Variants in PPP1R14C observed in about 807,000 individuals in gnomAD.
The protein encoded by PPP1R14C is protein phosphatase 1 regulatory inhibitor subunit 14C, also known as protein phosphatase 1 regulatory subunit 14C.
Under a neutral mutation model 20.4 loss-of-function variants are expected in PPP1R14C, and 16 were observed. The observed-to-expected ratio is 0.78, with a 90% CI of 0.53 to 1.19. The LOEUF (loss-of-function observed/expected upper bound fraction) is 1.19. Among genes scored for constraint, PPP1R14C ranks in the 50% most tolerant of loss-of-function variants. PPP1R14C has a pLI of 0.00. For synonymous variants in PPP1R14C, 91 were observed against 91.0 expected, an observed-to-expected ratio of 1.00 and a Z score of 0.00; for missense variants, 211 against 220.1, an observed-to-expected ratio of 0.96 and a Z score of 0.26.
In PPP1R14C at chr6:150,203,326, A is replaced by G. The variant is rs539400492; in HGVS notation, c.307-11418A>G. Among the ~76,000 whole-genome samples, 15 of 152,202 alleles carry G rather than the reference A, an allele frequency of 9.9e-5. 1 individual carries two copies. The highest frequency in any genetic ancestry group is 6.2e-4 in the South Asian group (3 of 4,804). ...GGAATCATGCGTATGGCAACTTTCCATTTTGGCTTCATTCACTTATGGATC... is the reference window on the plus strand; with the variant it reads ...GGAATCATGCGTATGGCAACTTTCCGTTTTGGCTTCATTCACTTATGGATC... On this transcript the variant is annotated intron_variant, in intron 1 of 3. Transcript: ENST00000361131.
At chr6:150,213,019 T>C (rs183581178) in intron 1 of PPP1R14C, among the ~76,000 whole-genome samples, 1 of 152,354 alleles carries the variant, frequency 6.6e-6, no homozygotes, top group East Asian at 1.9e-4. Context: ...CATCTGCTTC[T>C]ATTAATAGCT....
At chr6:150,241,704 T>C (rs1042155739) in intron 3 of PPP1R14C, among the ~76,000 whole-genome samples, 3 of 152,144 alleles carry the variant, frequency 2.0e-5, no homozygotes, top group Non-Finnish European at 2.9e-5. Flanking sequence ...CTAGCCAACA[T>C]GGCGAAACCC....
chr6:150,231,536 C>G (rs982081224), intron 3 of PPP1R14C, among the ~76,000 whole-genome samples: 1 of 152,218 alleles, frequency 6.6e-6, no homozygotes, highest in African/African-American at 2.4e-5. Context: ...TTTTTCTTCA[C>G]TTTTATGCCA....
intron 1 of PPP1R14C, among the ~76,000 whole-genome samples, chr6:150,166,078 C>CTT (rs373832861): frequency 2.1e-5 from 3 of 143,652 alleles, no homozygotes; most frequent in African/African-American, 5.1e-5. Flanking sequence ...TCTTCTTCTT[C>CTT]TTTTTTTTTT....
At chr6:150,203,212 A>C (rs1777899789) in intron 1 of PPP1R14C, among the ~76,000 whole-genome samples, 1 of 152,158 alleles carries the variant, frequency 6.6e-6, no homozygotes, top group South Asian at 2.1e-4. Flanking sequence ...GCTCTGCCTT[A>C]GTCATCTCTC....
intron 1 of PPP1R14C, among the ~76,000 whole-genome samples, chr6:150,166,605 G>A (rs887010049): frequency 2.6e-5 from 4 of 152,166 alleles, no homozygotes; most frequent in South Asian, 2.1e-4. Flanking sequence ...GGCTGCCTCC[G>A]CCAGCACTTA....
chr6:150,189,825 C>A (rs1199690836), intron 1 of PPP1R14C, among the ~76,000 whole-genome samples: 1 of 152,178 alleles, frequency 6.6e-6, no homozygotes, highest in Non-Finnish European at 1.5e-5. Context: ...CCAACAGCCA[C>A]AGTTTGGAAT....
intron 1 of PPP1R14C, among the ~76,000 whole-genome samples, chr6:150,155,643 A>G (rs1777297224): frequency 6.6e-6 from 1 of 152,178 alleles, no homozygotes; most frequent in Non-Finnish European, 1.5e-5. Context: ...ATACATTTTC[A>G]AATATGCTTC....
chr6:150,191,965 A>G (rs566425786), intron 1 of PPP1R14C, among the ~76,000 whole-genome samples: 3 of 152,310 alleles, frequency 2.0e-5, no homozygotes, highest in African/African-American at 7.2e-5. Context: ...TACTGTGTGC[A>G]CAGAGGCTGG....
intron 1 of PPP1R14C, among the ~76,000 whole-genome samples, chr6:150,173,731 C>A (rs565595385): frequency 2.0e-5 from 3 of 152,104 alleles, no homozygotes; most frequent in African/African-American, 4.8e-5. Flanking sequence ...TGCCAGCCAG[C>A]GCTAGGAATG....
At chr6:150,170,486 T>A (rs1283945487) in intron 1 of PPP1R14C, among the ~76,000 whole-genome samples, 4 of 152,100 alleles carry the variant, frequency 2.6e-5, no homozygotes, top group Non-Finnish European at 5.9e-5. Flanking sequence ...CATGCCTGGC[T>A]AATTTTTTTG....
intron 1 of PPP1R14C, among the ~76,000 whole-genome samples, chr6:150,184,028 A>G (rs1185496775): frequency 6.6e-6 from 1 of 152,224 alleles, no homozygotes; most frequent in Non-Finnish European, 1.5e-5. Context: ...TGGTTTTTGA[A>G]GAAGGATTAG....
intron 1 of PPP1R14C, among the ~76,000 whole-genome samples, chr6:150,209,721 G>C (rs1282356785): frequency 6.6e-6 from 1 of 151,688 alleles, no homozygotes; most frequent in Non-Finnish European, 1.5e-5. Context: ...GTGAGCGTAT[G>C]AGTAGTGTGG....
intron 3 of PPP1R14C, among the ~76,000 whole-genome samples, chr6:150,235,825 C>T (rs145661571): frequency 1.7e-4 from 26 of 152,224 alleles, no homozygotes; most frequent in African/African-American, 2.9e-4. Flanking sequence ...GAAGAGGCTA[C>T]GGGCAGAACT....
intron 1 of PPP1R14C, chr6:150,164,819 CT>C (rs1031336222): frequency 8.5e-5 from 13 of 152,180 alleles, no homozygotes; most frequent in African/African-American, 2.9e-4. Context: ...TGTTGGAATC[CT>C]AAGCCCCAGT....
intron 1 of PPP1R14C, among the ~76,000 whole-genome samples, chr6:150,175,482 G>A (rs1166018313): frequency 6.6e-6 from 1 of 152,204 alleles, no homozygotes; most frequent in Admixed American, 6.5e-5. Flanking sequence ...AATATTGTGA[G>A]TCCTTATAAA....
chr6:150,183,852 G>C (rs1777648373), intron 1 of PPP1R14C, among the ~76,000 whole-genome samples: 1 of 152,350 alleles, frequency 6.6e-6, no homozygotes, highest in East Asian at 1.9e-4. Flanking sequence ...AAAAGTTTCA[G>C]TGGTTTATAT....
chr6:150,220,291 C>G (rs1778150855), intron 3 of PPP1R14C, among the ~76,000 whole-genome samples: 1 of 152,118 alleles, frequency 6.6e-6, no homozygotes. Flanking sequence ...TCTGGAGATT[C>G]AGGATTTTTA....
intron 1 of PPP1R14C, among the ~76,000 whole-genome samples, chr6:150,166,648 G>A (rs1272784730): frequency 2.0e-5 from 3 of 152,212 alleles, no homozygotes; most frequent in Non-Finnish European, 4.4e-5. Context: ...GGTGGCTGCA[G>A]TTTGAGCTGC....
Sources: gnomAD v4.1 joint callset for allele counts (sites outside exome capture counted in the v4.1 genomes callset) on GRCh38, gnomAD v4.1.1 for gene constraint, MANE v1.5 for transcripts, NCBI Gene and HGNC (gene_info 2026-07-23, HGNC 2026-07-21) for gene names.